FCHSD2: variants seen among roughly 807,000 people sequenced by gnomAD.
The protein encoded by FCHSD2 is FCH and double SH3 domains 2.
FCHSD2 carries 38 observed loss-of-function variants against 108.1 expected under a neutral mutation model. The observed-to-expected ratio is 0.35, with a 90% CI of 0.27 to 0.46. The LOEUF (loss-of-function observed/expected upper bound fraction) is 0.46. Ranked by LOEUF, FCHSD2 falls within the 20% of genes least tolerant of loss-of-function variation. FCHSD2 has a pLI of 1.00. For missense variants in FCHSD2, 751 were observed against 897.8 expected (o/e 0.84, Z 2.09); for synonymous variants, 279 against 314.7 (o/e 0.89, Z 1.20).
chr11:72,958,888 C>A (rs1041498914), intron 8 of FCHSD2, among the ~76,000 whole-genome samples: 1 of 152,146 alleles, frequency 6.6e-6, no homozygotes, highest in Non-Finnish European at 1.5e-5. Context: ...AAACAACTTA[C>A]CCATTTCCAT....
intron 2 of FCHSD2, among the ~76,000 whole-genome samples, chr11:73,095,910 TA>T (rs1047605369): frequency 2.3e-3 from 325 of 140,688 alleles, no homozygotes; most frequent in Middle Eastern, 7.2e-3. Context: ...GGCTGAGGAT[TA>T]AAAAAAAAAA....
chr11:72,936,222 G>T (rs2135334300), intron 8 of FCHSD2, among the ~76,000 whole-genome samples: 1 of 152,296 alleles, frequency 6.6e-6, no homozygotes, highest in Admixed American at 6.5e-5. Context: ...TTCTACCAGA[G>T]AATTTCATCT....
chr11:72,843,636 G>A (rs760002732), intron 14 of FCHSD2, 104 bp from the exon 15 acceptor site: 14 of 756,060 alleles, frequency 1.9e-5, no homozygotes, highest in Non-Finnish European at 2.7e-5. Context: ...AAATGATTTT[G>A]AGAAACATGT....
At chr11:73,075,839 C>T (rs1859538246) in intron 3 of FCHSD2, among the ~76,000 whole-genome samples, 1 of 151,620 alleles carries the variant, frequency 6.6e-6, no homozygotes, top group Non-Finnish European at 1.5e-5. Flanking sequence ...AACACGGGGG[C>T]CAGGCATGGT....
At chr11:72,879,433 C>T (rs911618981) in intron 12 of FCHSD2, among the ~76,000 whole-genome samples, 1 of 151,702 alleles carries the variant, frequency 6.6e-6, no homozygotes, top group African/African-American at 2.4e-5. Context: ...TGAGCCAAGA[C>T]AAAAATCAGT....
intron 14 of FCHSD2, among the ~76,000 whole-genome samples, chr11:72,848,136 C>A (rs1319257485): frequency 3.9e-5 from 6 of 152,186 alleles, no homozygotes; most frequent in Admixed American, 2.6e-4. Flanking sequence ...ATACCATGAC[C>A]AGGTTAGCTT....
At chr11:72,879,993 C>T (rs1173237580) in intron 12 of FCHSD2, among the ~76,000 whole-genome samples, 6 of 88,608 alleles carry the variant, frequency 6.8e-5, no homozygotes, top group African/African-American at 2.5e-4. Flanking sequence ...GAGTGAAATT[C>T]TGTCTCAAAA....
chr11:72,990,693 G>C (rs567659452), intron 5 of FCHSD2, among the ~76,000 whole-genome samples: 5 of 152,232 alleles, frequency 3.3e-5, no homozygotes, highest in Non-Finnish European at 7.4e-5. Context: ...AGAATCTCTG[G>C]GACACATTCA....
At chr11:73,112,474 T>C (rs1860508594) in intron 2 of FCHSD2, among the ~76,000 whole-genome samples, 1 of 152,180 alleles carries the variant, frequency 6.6e-6, no homozygotes, top group African/African-American at 2.4e-5. Context: ...GTAGTCTTCT[T>C]TGGGCTGAAT....
intron 13 of FCHSD2, among the ~76,000 whole-genome samples, chr11:72,852,923 A>G (rs908588773): frequency 6.6e-6 from 1 of 152,176 alleles, no homozygotes; most frequent in African/African-American, 2.4e-5. Context: ...CTCACTAATA[A>G]GTGGGAGCTA....
At position 72,836,899 on chromosome 11, in the gene FCHSD2, T is replaced by C. The variant is rs915118239; in HGVS notation, c.*1892A>G. 1 of 152,578 alleles carries C rather than the reference T, an allele frequency of 6.6e-6. No homozygotes were observed. The highest frequency in any genetic ancestry group is 1.9e-4 in the East Asian group (1 of 5,196). The allele number at this position is 152,578 out of a possible 1,614,324, so 9.5% of individuals were successfully genotyped here. A position where few individuals can be genotyped will look rare whatever the true frequency, so the allele number is the denominator to read the frequency against. On this transcript the variant is annotated 3_prime_UTR_variant, in exon 20 of 20. Coordinates refer to ENST00000409418, the MANE Select transcript of FCHSD2 (RefSeq NM_014824.3). ...TCCATATCCTGGATGGAGGGGTTAT[T>C]TTTTAAAAAGGAGGCATGTTTTCAC... is the stretch of plus-strand genomic sequence containing the variant.
At chr11:72,963,243 CTTA>C (rs1214119744) in intron 8 of FCHSD2, among the ~76,000 whole-genome samples, 1 of 152,126 alleles carries the variant, frequency 6.6e-6, no homozygotes, top group Non-Finnish European at 1.5e-5. Context: ...TAAATAACAT[CTTA>C]TTAATAGCAA....
At chr11:72,940,390 A>C (rs1856391373) in intron 8 of FCHSD2, 1 of 483,402 alleles carries the variant, frequency 2.1e-6, no homozygotes, top group Non-Finnish European at 3.7e-6. Context: ...ATATTGTTTT[A>C]ATATTAAAGG....
rs545774371 is a variant in FCHSD2, at chr11:73,017,744, T to C, written c.166-1859A>G. Among the ~76,000 whole-genome samples, 3 of 152,288 alleles carry C rather than the reference T, an allele frequency of 2.0e-5. No homozygotes were observed. The East Asian group carries it at 5.8e-4, about 29-fold the overall frequency. ...ATAATGCTCCCATTGCATGAAAATA[T>C]CTTCTAACCACTCCTATTCCTACTT... On this transcript the variant is annotated intron_variant, in intron 3 of 19. Transcript: ENST00000409418.
chr11:72,844,733 A>C (rs1261799428), intron 14 of FCHSD2, among the ~76,000 whole-genome samples: 1 of 152,230 alleles, frequency 6.6e-6, no homozygotes, highest in Non-Finnish European at 1.5e-5. Flanking sequence ...TAAAGTTTTT[A>C]AAATCTCACA....
chr11:73,096,987 A>AATTTTTTTTTTTTTTTTTTTTTTTTT (rs1860095700), intron 2 of FCHSD2, among the ~76,000 whole-genome samples: 1 of 27,020 alleles, frequency 3.7e-5, no homozygotes, highest in African/African-American at 2.0e-4. Context: ...TCATTGATGG[A>AATTTTTTTTTTTTTTTTTTTTTTTTT]TTTTTTTTTT....
chr11:72,885,711 G>A (rs1375516388), intron 12 of FCHSD2, among the ~76,000 whole-genome samples: 1 of 152,140 alleles, frequency 6.6e-6, no homozygotes, highest in Non-Finnish European at 1.5e-5. Flanking sequence ...CTAGAGTGCG[G>A]AGAAACAAAC....
chr11:72,843,801 A>G (rs909799896), intron 14 of FCHSD2: 1 of 363,446 alleles, frequency 2.8e-6, no homozygotes, highest in African/African-American at 2.1e-5. Context: ...CCTGGGCAAC[A>G]CAGCGAGACC....
intron 2 of FCHSD2, among the ~76,000 whole-genome samples, chr11:73,112,041 G>A (rs1860498656): frequency 6.6e-6 from 1 of 152,078 alleles, no homozygotes; most frequent in South Asian, 2.1e-4. Context: ...CACAATTACA[G>A]TGTTATAAAA....
Sources: gnomAD v4.1 joint callset for allele counts (sites outside exome capture counted in the v4.1 genomes callset) on GRCh38, gnomAD v4.1.1 for gene constraint, MANE v1.5 for transcripts, NCBI Gene and HGNC (gene_info 2026-07-23, HGNC 2026-07-21) for gene names.